Variants in MALRD1 observed in about 807,000 individuals in gnomAD.
MALRD1 encodes the protein MAM and LDL receptor class A domain containing 1.
In MALRD1, 247 loss-of-function variants were observed where a neutral mutation model predicts 242.1. The observed-to-expected ratio is 1.02, with a 90% CI of 0.92 to 1.13. The LOEUF is 1.13. Among genes scored for constraint, MALRD1 ranks in the 50% most tolerant of loss-of-function variants. The pLI is 0.00. For missense variants in MALRD1, 2,989 were observed against 2,533.1 expected (o/e 1.18, Z -3.86); for synonymous variants, 995 against 866.6 (o/e 1.15, Z -2.60).
intron 21 of MALRD1, among the ~76,000 whole-genome samples, chr10:19,304,834 A>G (rs1461466868): frequency 6.6e-6 from 1 of 151,794 alleles, no homozygotes; most frequent in Non-Finnish European, 1.5e-5. Flanking sequence ...TATCAGTGAG[A>G]AACTACAAAT....
chr10:19,360,041 A>G (rs187586156), intron 26 of MALRD1, among the ~76,000 whole-genome samples: 110 of 152,252 alleles, frequency 7.2e-4, no homozygotes, highest in African/African-American at 2.5e-3. Context: ...CCCCATTTAC[A>G]TAATGGGAAA....
At chr10:19,705,451 C>T (rs970032748) in intron 38 of MALRD1, among the ~76,000 whole-genome samples, 1 of 152,156 alleles carries the variant, frequency 6.6e-6, no homozygotes, top group African/African-American at 2.4e-5. Context: ...CATGTGCCTT[C>T]GCCTACAAGA....
At chr10:19,612,190 A>T (rs935140739) in intron 35 of MALRD1, among the ~76,000 whole-genome samples, 3 of 151,968 alleles carry the variant, frequency 2.0e-5, no homozygotes, top group African/African-American at 7.2e-5. Context: ...AACAAGGTTT[A>T]TACCAATATG....
intron 28 of MALRD1, among the ~76,000 whole-genome samples, chr10:19,449,818 C>A (rs1361020871): frequency 6.6e-6 from 1 of 152,058 alleles, no homozygotes; most frequent in Non-Finnish European, 1.5e-5. Context: ...AACCTGCACA[C>A]GTACCCCTGA....
In MALRD1 at chr10:19,573,973, A is replaced by G. The variant is rs116331115; in HGVS notation, c.5680+6270A>G. ...ATAGACCTTCGGAGAGTGAATGCATATTGTAAAGAAAAGAAATGTCATCAT... is the reference window on the plus strand; with the variant it reads ...ATAGACCTTCGGAGAGTGAATGCATGTTGTAAAGAAAAGAAATGTCATCAT... On this transcript the variant is annotated intron_variant, in intron 33 of 39. Transcript: ENST00000454679. Among the ~76,000 whole-genome samples the G allele has an allele frequency of 3.7e-3, 565 of 152,274 alleles. 3 individuals are homozygous for G. The highest frequency in any genetic ancestry group is 0.013 in the African/African-American group (541 of 41,556).
intron 32 of MALRD1, among the ~76,000 whole-genome samples, chr10:19,543,987 G>T (rs1589222856): frequency 6.6e-6 from 1 of 151,770 alleles, no homozygotes; most frequent in South Asian, 2.1e-4. Flanking sequence ...CTTGGCTTTA[G>T]TTATGCCTAT....
Position 19,123,610 on chromosome 10 carries a change from G to T in MALRD1, c.796+17G>T, listed in dbSNP as rs147119616. Reference sequence around the variant, plus strand: ...AGTTGAGATGTAAGTGTTAAATTGAGATATTCACTTTTCTGGTATATATGC... The same window carrying T: ...AGTTGAGATGTAAGTGTTAAATTGATATATTCACTTTTCTGGTATATATGC... On this transcript the variant is annotated intron_variant, in intron 6 of 39. Coordinates refer to ENST00000454679, the MANE Select transcript of MALRD1 (RefSeq NM_001142308.3). 6.4e-5 allele frequency: 77 copies of T among 1,206,448 alleles called. No homozygotes were observed. In the Middle Eastern group the frequency reaches 1.9e-3, roughly 29 times the overall value. The allele number at this position is 1,206,448 out of a possible 1,614,324, so 74.7% of individuals were successfully genotyped here. A position where few individuals can be genotyped will look rare whatever the true frequency, so the allele number is the denominator to read the frequency against.
chr10:19,563,841 G>C (rs1177839648), intron 32 of MALRD1, among the ~76,000 whole-genome samples: 1 of 152,174 alleles, frequency 6.6e-6, no homozygotes, highest in Non-Finnish European at 1.5e-5. Context: ...TCCCAATGTT[G>C]GAGGTGGGGC....
intron 36 of MALRD1, among the ~76,000 whole-genome samples, chr10:19,659,562 C>A (rs986878546): frequency 6.6e-6 from 1 of 151,984 alleles, no homozygotes; most frequent in Non-Finnish European, 1.5e-5. Context: ...CTGTTCATAT[C>A]AATTTCATTC....
chr10:19,549,434 A>G (rs6481972), intron 32 of MALRD1, among the ~76,000 whole-genome samples: 132,574 of 152,168 alleles, frequency 0.87, 57,779 homozygotes, highest in African/African-American at 0.89. Context: ...TTAAGAAATT[A>G]CCACAACCAC....
rs756943372 is a variant in MALRD1 at position 19,450,389 on chromosome 10, G to T, written c.4928G>T (p.Gly1643Val). The T allele has an allele frequency of 2.6e-6, 4 of 1,550,204 alleles. No homozygotes were observed. Among genetic ancestry groups the T allele is most frequent in the Non-Finnish European group, 3.5e-6 (4 of 1,146,948 alleles). Residue 1643 changes from glycine to valine, a missense_variant, in exon 29 of 40, where the codon GGA (glycine) becomes GTA (valine). By Grantham distance (109) the Gly-to-Val change is moderately radical. Transcript: ENST00000454679. The part of the protein sequence containing the change: ...NHWQKADILL[G>V]KLRNFEVIFQ... ...TGGCAAAAGGCTGACATCCTGCTAG[G>T]AAAGTTAAGGAATTTTGAAGTCATA...
At chr10:19,560,942 AAAACTT>A (rs1350214306) in intron 32 of MALRD1, among the ~76,000 whole-genome samples, 1 of 152,178 alleles carries the variant, frequency 6.6e-6, no homozygotes, top group Non-Finnish European at 1.5e-5. Context: ...CATGTATCCC[AAAACTT>A]AAAGTATAAT....
intron 36 of MALRD1, among the ~76,000 whole-genome samples, chr10:19,632,096 A>G (rs946485608): frequency 3.9e-5 from 6 of 152,172 alleles, no homozygotes; most frequent in Non-Finnish European, 8.8e-5. Context: ...AGCAAGGTTG[A>G]AAGAACAACA....
chr10:19,664,199 G>A (rs1017245008), intron 36 of MALRD1, among the ~76,000 whole-genome samples: 1 of 151,470 alleles, frequency 6.6e-6, no homozygotes, highest in Non-Finnish European at 1.5e-5. Context: ...AGACTCTAAT[G>A]TCATAGTATA....
At position 19,708,504 on chromosome 10, in the gene MALRD1, ATTTTTTT is replaced by A. The variant is rs35508391; in HGVS notation, c.6314+15966_6314+15972del. ...AGGCATGTACCCAACACTCCCAGCT[ATTTTTTT>A]TTTTTTTTTTTTTTTGTACAGACAT... is the stretch of plus-strand genomic sequence containing the variant. On this transcript the variant is annotated intron_variant, in intron 38 of 39. Coordinates refer to ENST00000454679, the MANE Select transcript of MALRD1 (RefSeq NM_001142308.3). Among the ~76,000 whole-genome samples the A allele has an allele frequency of 1.6e-4, 9 of 56,818 alleles. 1 individual carries two copies. The highest frequency in any genetic ancestry group is 3.3e-4 in the African/African-American group (5 of 15,188). The allele number at this position is 56,818 out of a possible 152,430, so 37.3% of individuals were successfully genotyped here. A position where few individuals can be genotyped will look rare whatever the true frequency, so the allele number is the denominator to read the frequency against.
chr10:19,561,218 T>G (rs1009571384), intron 32 of MALRD1, among the ~76,000 whole-genome samples: 5 of 152,202 alleles, frequency 3.3e-5, no homozygotes, highest in Admixed American at 6.5e-5. Context: ...CTTTTAAATT[T>G]GCTACAGTTT....
chr10:19,375,779 C>T lies in MALRD1; in HGVS notation c.4442-11749C>T, dbSNP rs542619288. 7.2e-5 allele frequency among the ~76,000 whole-genome samples: 11 copies of T among 152,254 alleles called. 1 individual carries two copies. In the South Asian group the frequency reaches 2.3e-3, roughly 32 times the overall value. The stretch of plus-strand genomic sequence containing the variant: ...AATAACAAAAACAGACTAGTTAATC[C>T]TGTAAACTAGAAGGAACTTGAATTT... On this transcript the variant is annotated intron_variant, in intron 26 of 39. Coordinates refer to ENST00000454679, the MANE Select transcript of MALRD1 (RefSeq NM_001142308.3).
At chr10:19,052,062 G>T in intron 1 of MALRD1, 1 of 403,764 alleles carries the variant, frequency 2.5e-6, no homozygotes, top group African/African-American at 2.1e-5. Flanking sequence ...TAATAGCTTT[G>T]ATGGCATGGT....
chr10:19,236,452 C>T (rs1243589638), intron 18 of MALRD1, among the ~76,000 whole-genome samples: 2 of 152,148 alleles, frequency 1.3e-5, no homozygotes, highest in Non-Finnish European at 2.9e-5. Context: ...AGGAGTCTTG[C>T]ATTATGTAAT....
Sources: allele counts gnomAD v4.1 joint callset (sites outside exome capture counted in the v4.1 genomes callset), GRCh38; gene constraint gnomAD v4.1.1; transcripts MANE v1.5; gene names NCBI Gene and HGNC (gene_info 2026-07-23, HGNC 2026-07-21).